SYDE2: variants seen among roughly 807,000 people sequenced by gnomAD.
SYDE2 encodes the protein synapse defective Rho GTPase homolog 2.
A neutral mutation model predicts 91.5 loss-of-function variants in SYDE2; 76 were observed. The observed-to-expected ratio is 0.83, with a 90% CI of 0.69 to 1.01. The LOEUF (loss-of-function observed/expected upper bound fraction) is 1.01, where lower values mean the gene tolerates loss of function less well. SYDE2 is among the 50% of genes least tolerant of loss of function. SYDE2 has a pLI of 0.00. For missense variants in SYDE2, 1,364 were observed against 1,367.7 expected (o/e 1.00, Z 0.04); for synonymous variants, 513 against 506.4 (o/e 1.01, Z -0.18).
At position 85,163,188 on chromosome 1, in the gene SYDE2, C is replaced by G. The variant is rs1571226370; in HGVS notation, c.3085+1338G>C. Among the ~76,000 whole-genome samples the G allele has an allele frequency of 6.7e-5, 10 of 150,226 alleles. No homozygotes were observed. The South Asian group carries it at 2.1e-3, about 32-fold the overall frequency. On this transcript the variant is annotated intron_variant, in intron 6 of 6. Transcript: ENST00000341460. ...CTTCCGCAATCTCGGCTCACTGCAACCTCCGCCTCCCTAGTTCAAGCGATT... is the reference window on the plus strand; with the variant it reads ...CTTCCGCAATCTCGGCTCACTGCAAGCTCCGCCTCCCTAGTTCAAGCGATT...
In SYDE2 at chr1:85,200,916, C is replaced by T; in HGVS notation, c.81G>A (p.Arg27=). The change falls in exon 1 of 7, where the codon CGG becomes CGA. Residue 27 remains arginine, a synonymous_variant. Transcript: ENST00000341460. The part of the protein sequence containing the change: ...LADHSFPAGA[R]APGQPPSRGA... ...CGCGGGAAGGCGGCTGGCCCGGAGC[C>T]CGGGCTCCCGCGGGGAAGCTGTGAT... is the stretch of plus-strand genomic sequence containing the variant. 7.6e-7 allele frequency: 1 copy of T among 1,321,070 alleles called. No individual in the cohort carries two copies. Among genetic ancestry groups the T allele is most frequent in the Non-Finnish European group, 9.6e-7 (1 of 1,044,684 alleles). 81.8% of individuals were successfully genotyped at this position (1,321,070 alleles called of 1,614,324 possible).
intron 5 of SYDE2, among the ~76,000 whole-genome samples, chr1:85,166,735 A>G (rs1168155752): frequency 6.6e-6 from 1 of 152,214 alleles, no homozygotes; most frequent in Admixed American, 6.5e-5. Context: ...ACACAACTCC[A>G]TATACATTGG....
At chr1:85,177,405 C>A (rs1027692970) in intron 4 of SYDE2, among the ~76,000 whole-genome samples, 3 of 152,124 alleles carry the variant, frequency 2.0e-5, no homozygotes, top group African/African-American at 7.2e-5. Flanking sequence ...CCTACTAGCA[C>A]TTCAAATTCT....
At chr1:85,183,320 A>C in intron 2 of SYDE2, 120 bp from the exon 3 acceptor site, 2 of 843,680 alleles carry the variant, frequency 2.4e-6, no homozygotes, top group African/African-American at 3.5e-5. Flanking sequence ...CTCTTATTTC[A>C]TCTCAATGGG....
At chr1:85,156,887 A>C (rs1245460838), downstream of SYDE2, 1 of 152,062 alleles carries the variant, frequency 6.6e-6, no homozygotes, top group South Asian at 2.1e-4. Context: ...ATTTTAATAA[A>C]ATTTTTACAT....
chr1:85,191,874 G>A (rs1217169400), intron 1 of SYDE2, among the ~76,000 whole-genome samples: 1 of 151,880 alleles, frequency 6.6e-6, no homozygotes, highest in East Asian at 1.9e-4. Flanking sequence ...TTCATCTAAA[G>A]AGGAAAATAT....
intron 4 of SYDE2, among the ~76,000 whole-genome samples, chr1:85,177,244 C>A (rs1276471448): frequency 6.6e-6 from 1 of 152,138 alleles, no homozygotes; most frequent in Non-Finnish European, 1.5e-5. Flanking sequence ...CCACTCTTAT[C>A]TTTCAGGGGT....
chr1:85,175,512 G>C (rs898932524), intron 4 of SYDE2, among the ~76,000 whole-genome samples: 1 of 152,042 alleles, frequency 6.6e-6, no homozygotes, highest in African/African-American at 2.4e-5. Flanking sequence ...AAAGAATTAC[G>C]AATGGATTTT....
rs1656932562 is a variant in SYDE2 at position 85,158,278 on chromosome 1, G to A, written c.*472C>T. Reference sequence around the variant, plus strand: ...CGTCATCACAGCTACTCGGGAGGCTGTGGCAGGAGAATCACTTGAACCAGG... The same window carrying A: ...CGTCATCACAGCTACTCGGGAGGCTATGGCAGGAGAATCACTTGAACCAGG... On this transcript the variant is annotated 3_prime_UTR_variant, in exon 7 of 7. Coordinates refer to ENST00000341460, the MANE Select transcript of SYDE2 (RefSeq NM_032184.2). 6.5e-6 allele frequency: 1 copy of A among 153,124 alleles called. No homozygotes were observed. Among genetic ancestry groups the A allele is most frequent in the African/African-American group, 2.4e-5 (1 of 41,454 alleles). 9.5% of individuals were successfully genotyped at this position (153,124 alleles called of 1,614,324 possible).
At chr1:85,154,573 T>C (rs76800137), downstream of SYDE2, among the ~76,000 whole-genome samples, 49 of 150,048 alleles carry the variant, frequency 3.3e-4, no homozygotes, top group African/African-American at 1.2e-3. Context: ...CAACGTCCAA[T>C]AGAAGGAACT....
chr1:85,192,837 C>T (rs927511049), intron 1 of SYDE2, among the ~76,000 whole-genome samples: 11 of 152,170 alleles, frequency 7.2e-5, no homozygotes, highest in African/African-American at 1.4e-4. Context: ...ACAAACCACA[C>T]GATGCTACCC....
intron 3 of SYDE2, 76 bp downstream of exon 3, chr1:85,182,022 C>T (rs747742864): frequency 2.2e-6 from 3 of 1,385,678 alleles, no homozygotes; most frequent in South Asian, 1.6e-5. Flanking sequence ...TTTACATTAC[C>T]TTGAATTTCT....
At chr1:85,154,258 T>TA (rs1338693142), downstream of SYDE2, 25 of 150,932 alleles carry the variant, frequency 1.7e-4, no homozygotes, top group Middle Eastern at 3.4e-3. Flanking sequence ...GTCTGGAAAC[T>TA]AAATTCTTTT....
chr1:85,158,810 A>T lies in SYDE2; in HGVS notation c.3525T>A (p.Asp1175Glu). 1 of 770,456 alleles carries T rather than the reference A, an allele frequency of 1.3e-6. No homozygotes were observed. The highest frequency in any genetic ancestry group is 2.4e-5 in the East Asian group (1 of 41,196). 47.7% of individuals were successfully genotyped at this position (770,456 alleles called of 1,614,324 possible). A position where few individuals can be genotyped will look rare whatever the true frequency, so the allele number is the denominator to read the frequency against. ...CACGTTCCAGATTTCCAATCAAAGT[A>T]TCAATACTTTCTTGTAGATCTTTGA... ...NNLKDLQESI[D>E]TLIGNLEREL... The change falls in exon 7 of 7, where the codon GAT becomes GAA. Residue 1175 changes from aspartate (D) to glutamate (E), a missense_variant. Transcript: ENST00000341460.
At chr1:85,159,826 G>A (rs1303000811) in intron 6 of SYDE2, 3 of 977,280 alleles carry the variant, frequency 3.1e-6, no homozygotes, top group Non-Finnish European at 3.6e-6. Flanking sequence ...TTTGTTACCT[G>A]AGTTTGATTA....
intron 6 of SYDE2, chr1:85,161,103 G>C: frequency 6.1e-6 from 6 of 985,246 alleles, no homozygotes; most frequent in Non-Finnish European, 7.2e-6. Flanking sequence ...CATCACTGTT[G>C]ACTACCCACC....
intron 2 of SYDE2, among the ~76,000 whole-genome samples, chr1:85,184,130 A>C (rs1193220483): frequency 6.6e-6 from 1 of 152,152 alleles, no homozygotes; most frequent in African/African-American, 2.4e-5. Flanking sequence ...CAAAATAAAA[A>C]TCTTTAAATA....
downstream of SYDE2, among the ~76,000 whole-genome samples, chr1:85,156,432 G>T (rs1242972421): frequency 6.6e-6 from 1 of 151,052 alleles, no homozygotes; most frequent in African/African-American, 2.4e-5. Flanking sequence ...GGCAGCCTCA[G>T]AAAGGAGCAA....
rs1483148800 is a variant in SYDE2, at chr1:85,182,147, G to A, written c.2495C>T (p.Pro832Leu). 1 of 1,603,492 alleles carries A rather than the reference G, an allele frequency of 6.2e-7. No individual in the cohort carries two copies. Reference protein sequence around the residue: ...VEKENIGLMVPLLIQKCIMEI... With the variant: ...VEKENIGLMVLLLIQKCIMEI... ...CATAATACATTTCTGTATCAGAAGG[G>A]GCACCATCAGTCCTATATTTTCTTT... Residue 832 changes from proline (P) to leucine (L), a missense_variant, in exon 3 of 7, where the codon CCC becomes CTC. Transcript: ENST00000341460.
Sources: allele counts gnomAD v4.1 joint callset (sites outside exome capture counted in the v4.1 genomes callset), GRCh38; gene constraint gnomAD v4.1.1; transcripts MANE v1.5; gene names NCBI Gene and HGNC (gene_info 2026-07-23, HGNC 2026-07-21).